The following MAD1L1 variants were observed in gnomAD, a reference collection of about 807,000 sequenced individuals.
MAD1L1 encodes mitotic arrest deficient 1 like 1.
MAD1L1 carries 95 observed loss-of-function variants against 96.9 expected under a neutral mutation model. The ratio of observed to expected loss-of-function variants is 0.98; its 90% CI spans 0.83 to 1.16. The LOEUF is 1.16. Among genes scored for constraint, MAD1L1 ranks in the 50% most tolerant of loss-of-function variants. The probability of loss-of-function intolerance (pLI) is 0.00; values close to 1 mark genes in which losing one functional copy is unlikely to be tolerated. For missense variants in MAD1L1, 1,007 were observed against 954.4 expected (o/e 1.06, Z -0.73); for synonymous variants, 473 against 396.6 (o/e 1.19, Z -2.29).
chr7:2,172,833 G>A (rs1178168175), intron 10 of MAD1L1, among the ~76,000 whole-genome samples: 1 of 152,190 alleles, frequency 6.6e-6, no homozygotes, highest in East Asian at 1.9e-4. Flanking sequence ...CCCGTGGGGC[G>A]AAGTCAGAAG....
chr7:2,213,143 G>C, intron 10 of MAD1L1, 69 bp downstream of exon 10: 2 of 1,529,818 alleles, frequency 1.3e-6, no homozygotes, highest in Admixed American at 1.7e-5. Flanking sequence ...TGAGCCGGAA[G>C]CAGGCTCTGC....
At chr7:1,816,375 C>G (rs1358598828) in intron 18 of MAD1L1, 147 bp from the exon 19 acceptor site, 14 of 707,798 alleles carry the variant, frequency 2.0e-5, no homozygotes, top group Non-Finnish European at 3.3e-5. Flanking sequence ...TCAACCCTGC[C>G]AGGCCTTATT....
intron 17 of MAD1L1, among the ~76,000 whole-genome samples, chr7:1,926,426 C>T (rs1789091314): frequency 6.6e-6 from 1 of 152,230 alleles, no homozygotes; most frequent in Admixed American, 6.5e-5. Context: ...AAGGGCAGTA[C>T]AAGAAAGCTA....
intron 11 of MAD1L1, among the ~76,000 whole-genome samples, chr7:2,133,000 C>T (rs1019706128): frequency 1.3e-5 from 2 of 152,264 alleles, no homozygotes; most frequent in African/African-American, 2.4e-5. Context: ...CTGCTCTCCC[C>T]CTTCCTGCGT....
chr7:1,828,155 C>T (rs1041865988), intron 18 of MAD1L1, among the ~76,000 whole-genome samples: 15 of 152,162 alleles, frequency 9.9e-5, no homozygotes, highest in East Asian at 7.8e-4. Context: ...CGGCAGCTTC[C>T]GGCCGAGACA....
At chr7:2,168,395 A>C (rs1029928486) in intron 10 of MAD1L1, among the ~76,000 whole-genome samples, 1 of 152,370 alleles carries the variant, frequency 6.6e-6, no homozygotes, top group East Asian at 1.9e-4. Flanking sequence ...ACTCAGAAAA[A>C]GGTGCATCAT....
At chr7:2,147,384 C>T (rs969838606) in intron 11 of MAD1L1, among the ~76,000 whole-genome samples, 2 of 152,246 alleles carry the variant, frequency 1.3e-5, no homozygotes, top group African/African-American at 4.8e-5. Flanking sequence ...CATCTGGAGC[C>T]TGCACCTTGG....
intron 10 of MAD1L1, among the ~76,000 whole-genome samples, chr7:2,154,344 C>T (rs542036416): frequency 2.0e-5 from 3 of 152,200 alleles, no homozygotes; most frequent in Admixed American, 2.0e-4. Flanking sequence ...TCTGGGTGAG[C>T]GGAACCACAG....
intron 10 of MAD1L1, among the ~76,000 whole-genome samples, chr7:2,156,169 ACGGTTT>A (rs1789828541): frequency 2.7e-5 from 4 of 147,236 alleles, no homozygotes; most frequent in African/African-American, 1.0e-4. Context: ...GAGCGGGCGC[ACGGTTT>A]CACGGCGCGT....
chr7:1,903,423 TTGA>T (rs1787395844), intron 17 of MAD1L1, among the ~76,000 whole-genome samples: 1 of 149,636 alleles, frequency 6.7e-6, no homozygotes, highest in African/African-American at 2.5e-5. Flanking sequence ...GAACTCATGA[TTGA>T]TGAAGCACTG....
chr7:2,164,579 A>C (rs113037759), intron 10 of MAD1L1, among the ~76,000 whole-genome samples: 1 of 117,364 alleles, frequency 8.5e-6, no homozygotes, highest in African/African-American at 3.3e-5. Context: ...AACCACACTA[A>C]GAAGCAGGAA....
intron 17 of MAD1L1, among the ~76,000 whole-genome samples, chr7:1,909,340 G>A (rs1787869066): frequency 1.3e-5 from 2 of 152,220 alleles, no homozygotes; most frequent in Non-Finnish European, 2.9e-5. Flanking sequence ...TGCCGAGCCA[G>A]GCTTCCCGGG....
intron 11 of MAD1L1, among the ~76,000 whole-genome samples, chr7:2,093,796 G>T (rs1335340687): frequency 6.6e-6 from 1 of 152,196 alleles, no homozygotes; most frequent in Non-Finnish European, 1.5e-5. Flanking sequence ...TCAGCCAGAG[G>T]AGCACGGAAC....
At chr7:2,084,172 C>G (rs1268325540) in intron 11 of MAD1L1, among the ~76,000 whole-genome samples, 2 of 152,200 alleles carry the variant, frequency 1.3e-5, no homozygotes, top group African/African-American at 2.4e-5. Flanking sequence ...AGACTTGGGT[C>G]AAAATAATTC....
At chr7:2,124,618 G>T (rs759255091) in intron 11 of MAD1L1, among the ~76,000 whole-genome samples, 1 of 152,164 alleles carries the variant, frequency 6.6e-6, no homozygotes, top group Non-Finnish European at 1.5e-5. Context: ...CGAAGCCCCC[G>T]CTCTGAGCTC....
At chr7:2,084,049 C>T (rs943687262) in intron 11 of MAD1L1, among the ~76,000 whole-genome samples, 4 of 152,228 alleles carry the variant, frequency 2.6e-5, no homozygotes, top group Admixed American at 1.3e-4. Flanking sequence ...ACATCCGAGC[C>T]GCCATTCCCT....
At chr7:2,013,327 G>A (rs574649628) in intron 13 of MAD1L1, among the ~76,000 whole-genome samples, 11 of 152,228 alleles carry the variant, frequency 7.2e-5, no homozygotes, top group African/African-American at 1.9e-4. Flanking sequence ...CCATCTCACC[G>A]CAGTCTCCAC....
chr7:1,882,739 G>T (rs1052888944), intron 18 of MAD1L1, among the ~76,000 whole-genome samples: 1 of 152,182 alleles, frequency 6.6e-6, no homozygotes, highest in African/African-American at 2.4e-5. Context: ...CCCGCTGCAT[G>T]GCCCCTCGCC....
intron 13 of MAD1L1, among the ~76,000 whole-genome samples, chr7:2,013,908 G>A (rs547158240): frequency 2.0e-5 from 3 of 152,338 alleles, no homozygotes; most frequent in South Asian, 2.1e-4. Context: ...GGCACGGAGC[G>A]TCACGGTGGC....
Sources: allele counts gnomAD v4.1 joint callset (sites outside exome capture counted in the v4.1 genomes callset), GRCh38; gene constraint gnomAD v4.1.1; transcripts MANE v1.5; gene names NCBI Gene and HGNC (gene_info 2026-07-23, HGNC 2026-07-21).